Variants in AFF1 observed in about 807,000 individuals in gnomAD.
AFF1 encodes the protein ALF transcription elongation factor 1.
AFF1 carries 48 observed loss-of-function variants against 121.7 expected under a neutral mutation model. The observed-to-expected ratio is 0.39, with a 90% CI of 0.31 to 0.50. AFF1 has a LOEUF of 0.50. Ranked by LOEUF, AFF1 falls within the 20% of genes least tolerant of loss-of-function variation. The pLI is 0.76. For synonymous variants in AFF1, 613 were observed against 563.0 expected, an observed-to-expected ratio of 1.09 and a Z score of -1.26; for missense variants, 1,523 against 1,511.7, an observed-to-expected ratio of 1.01 and a Z score of -0.12.
chr4:87,063,298 G>A (rs1377128357), intron 4 of AFF1, among the ~76,000 whole-genome samples: 1 of 122,964 alleles, frequency 8.1e-6, no homozygotes, highest in African/African-American at 3.1e-5. Context: ...GGAGTGCAAT[G>A]GCATGATCTT....
intron 2 of AFF1, among the ~76,000 whole-genome samples, chr4:86,975,558 T>G (rs973882303): frequency 6.6e-6 from 1 of 152,234 alleles, no homozygotes; most frequent in Non-Finnish European, 1.5e-5. Context: ...GTCTTCCACC[T>G]TAATCTTTAT....
At position 86,999,970 on chromosome 4, in the gene AFF1, G is replaced by A. The variant is rs78850600; in HGVS notation, c.39-46196G>A. ...ATCCTGTAGTAACAGAAAGGAAAGG[G>A]TGCTCGAAACACAAAAGGATGGGGC... On this transcript the variant is annotated intron_variant, in intron 2 of 20. Coordinates refer to ENST00000395146, the MANE Select transcript of AFF1 (RefSeq NM_001166693.3). Among the ~76,000 whole-genome samples the A allele has an allele frequency of 2.6e-5, 4 of 152,284 alleles. No individual in the cohort carries two copies. In the East Asian group the frequency reaches 7.7e-4, roughly 29 times the overall value.
intron 6 of AFF1, 64 bp from the exon 7 acceptor site, chr4:87,091,729 G>A (rs890610181): frequency 8.8e-7 from 1 of 1,134,626 alleles, no homozygotes; most frequent in Non-Finnish European, 1.3e-6. Context: ...AAGCTCAACG[G>A]TTTTCTCTTT....
chr4:86,953,192 C>T (rs984044028), intron 2 of AFF1, among the ~76,000 whole-genome samples: 1 of 151,958 alleles, frequency 6.6e-6, no homozygotes, highest in African/African-American at 2.4e-5. Flanking sequence ...CCTCAATATG[C>T]TCCTTTTAGT....
chr4:87,109,323 G>T (rs993050558), intron 11 of AFF1, among the ~76,000 whole-genome samples: 1 of 152,236 alleles, frequency 6.6e-6, no homozygotes, highest in Non-Finnish European at 1.5e-5. Context: ...GTCTGAGGGT[G>T]AGGGAGGCTG....
chr4:86,976,980 G>A (rs1452789952), intron 2 of AFF1, among the ~76,000 whole-genome samples: 3 of 152,194 alleles, frequency 2.0e-5, no homozygotes, highest in East Asian at 1.9e-4. Context: ...CTGGCACACA[G>A]CAAGTGCCCA....
At chr4:87,003,003 C>T (rs190320302) in intron 2 of AFF1, among the ~76,000 whole-genome samples, 1 of 152,172 alleles carries the variant, frequency 6.6e-6, no homozygotes, top group African/African-American at 2.4e-5. Context: ...GTTTTCAAAA[C>T]ACTTGGAAAT....
In AFF1 at chr4:87,002,933, TAAG is replaced by T. The variant is rs1725838545; in HGVS notation, c.39-43230_39-43228del. ...AAAGAATTCTTTGCCCCTCAAAGGT[TAAG>T]AATGCCTTTTTGTTCAGTTTCACTG... On this transcript the variant is annotated intron_variant, in intron 2 of 20. Transcript: ENST00000395146. Among the ~76,000 whole-genome samples, 3 of 152,202 alleles carry T rather than the reference TAAG, an allele frequency of 2.0e-5. No homozygotes were observed. The South Asian group carries it at 6.2e-4, about 32-fold the overall frequency.
intron 2 of AFF1, among the ~76,000 whole-genome samples, chr4:87,030,305 C>T (rs1360129539): frequency 6.6e-6 from 1 of 152,198 alleles, no homozygotes; most frequent in East Asian, 1.9e-4. Context: ...CATCCATAAA[C>T]AATACGTAAG....
chr4:86,939,116 A>T, intron 1 of AFF1, among the ~76,000 whole-genome samples: 1 of 147,710 alleles, frequency 6.8e-6, no homozygotes, highest in East Asian at 2.1e-4. Flanking sequence ...TGTGATGGTA[A>T]CATGATCAAG....
intron 2 of AFF1, chr4:86,950,227 G>T: frequency 1.0e-6 from 1 of 986,578 alleles, no homozygotes; most frequent in Non-Finnish European, 1.6e-6. Flanking sequence ...TGCCCCGGCT[G>T]GAGTGCAGTG....
At chr4:87,089,653 C>T (rs1724096923) in intron 5 of AFF1, among the ~76,000 whole-genome samples, 2 of 152,188 alleles carry the variant, frequency 1.3e-5, no homozygotes, top group Admixed American at 6.5e-5. Context: ...AACCTGTCAC[C>T]TACAGTCTTC....
chr4:87,115,106 C>T lies in AFF1; in HGVS notation c.2273C>T (p.Pro758Leu), dbSNP rs1000665385. Residue 758 changes from proline to leucine, a missense_variant, in exon 12 of 21, where the codon CCG (proline) becomes CTG (leucine). Coordinates refer to ENST00000395146, the MANE Select transcript of AFF1 (RefSeq NM_001166693.3). ...LPLRDTKLLS[P>L]LRDTPPPQSL... ...TTGAGAGACACCAAGCTGCTCTCAC[C>T]GCTCAGGGACACTCCTCCCCCACAA... The T allele has an allele frequency of 1.4e-5, 23 of 1,614,028 alleles. No individual in the cohort carries two copies. The highest frequency in any genetic ancestry group is 8.0e-5 in the African/African-American group (6 of 74,914).
rs183575079 is a variant in AFF1 at position 86,974,228 on chromosome 4, A to G, written c.38+25657A>G. Among the ~76,000 whole-genome samples the G allele has an allele frequency of 3.9e-4, 60 of 152,142 alleles. No individual in the cohort carries two copies. In the East Asian group the frequency reaches 0.01, roughly 26 times the overall value. ...AGTGGTGTGATCTTGGCTCACTGCA[A>G]CCTCTGCCTCCCAGCTTCAAGTGAT... On this transcript the variant is annotated intron_variant, in intron 2 of 20. Transcript: ENST00000395146.
intron 2 of AFF1, among the ~76,000 whole-genome samples, chr4:86,949,182 T>TATA (rs1560495265): frequency 5.3e-5 from 3 of 56,094 alleles, no homozygotes; most frequent in African/African-American, 1.6e-4. Context: ...ATATATATAT[T>TATA]TTTTTTTTTT....
At chr4:87,026,561 C>T (rs1728557103) in intron 2 of AFF1, among the ~76,000 whole-genome samples, 1 of 152,090 alleles carries the variant, frequency 6.6e-6, no homozygotes, top group South Asian at 2.1e-4. Context: ...CATCCAGTTG[C>T]TCTGTAGTAG....
rs1729362321 is a variant in AFF1, at chr4:87,137,121, T to C, written c.*1420T>C. 4.4e-6 allele frequency: 1 copy of C among 226,584 alleles called. No individual in the cohort carries two copies. The highest frequency in any genetic ancestry group is 2.2e-5 in the African/African-American group (1 of 44,954). The allele number at this position is 226,584 out of a possible 1,614,324, so 14.0% of individuals were successfully genotyped here. A position where few individuals can be genotyped will look rare whatever the true frequency, so the allele number is the denominator to read the frequency against. On this transcript the variant is annotated 3_prime_UTR_variant, in exon 21 of 21. Transcript: ENST00000395146. ...ACTTTAAAGGTTATTATTGGAAACA[T>C]TACTTTGAGTGCAGTGTTTTTAAAA...
chr4:86,976,551 C>T (rs748633893), intron 2 of AFF1, among the ~76,000 whole-genome samples: 3 of 152,034 alleles, frequency 2.0e-5, no homozygotes, highest in Non-Finnish European at 2.9e-5. Flanking sequence ...TTCTCACAAG[C>T]GGAAGCTAAA....
In AFF1 at chr4:86,951,275, A is replaced by AT. The variant is rs373090927; in HGVS notation, c.38+2706dup. 2.6e-3 allele frequency among the ~76,000 whole-genome samples: 391 copies of AT among 151,814 alleles called. 2 individuals carry two copies. Among genetic ancestry groups the AT allele is most frequent in the African/African-American group, 7.3e-3 (301 of 41,390 alleles). On this transcript the variant is annotated intron_variant, in intron 2 of 20. Transcript: ENST00000395146. The stretch of plus-strand genomic sequence containing the variant: ...GCTTTTCAGGTGTGCCACGATGTTG[A>AT]TTCCCCGCCCCCCAGCCTAAAGGTC...
Sources: gnomAD v4.1 joint callset for allele counts (sites outside exome capture counted in the v4.1 genomes callset) on GRCh38, gnomAD v4.1.1 for gene constraint, MANE v1.5 for transcripts, NCBI Gene and HGNC (gene_info 2026-07-23, HGNC 2026-07-21) for gene names.